ADAMTS12: variants seen among roughly 807,000 people sequenced by gnomAD.
The protein encoded by ADAMTS12 is ADAM metallopeptidase with thrombospondin type 1 motif 12, also known as A disintegrin and metalloproteinase with thrombospondin motifs 12.
Under a neutral mutation model 167.8 loss-of-function variants are expected in ADAMTS12, and 118 were observed. The observed-to-expected ratio is 0.70, with a 90% CI of 0.61 to 0.82. ADAMTS12 has a LOEUF of 0.82. Ranked by LOEUF, ADAMTS12 falls within the 40% of genes least tolerant of loss-of-function variation. ADAMTS12 has a pLI of 0.00. For synonymous variants in ADAMTS12, 704 were observed against 716.9 expected (o/e 0.98, Z 0.29); for missense variants, 1,916 against 1,998.8 (o/e 0.96, Z 0.79).
intron 18 of ADAMTS12, among the ~76,000 whole-genome samples, chr5:33,584,310 T>A (rs765330297): frequency 1.3e-5 from 2 of 152,192 alleles, no homozygotes; most frequent in Non-Finnish European, 2.9e-5. Flanking sequence ...TAATTAAATA[T>A]TGATTTCTGA....
intron 2 of ADAMTS12, among the ~76,000 whole-genome samples, chr5:33,792,383 C>CAT (rs1746610623): frequency 1.3e-5 from 2 of 152,178 alleles, no homozygotes; most frequent in African/African-American, 4.8e-5. Flanking sequence ...GTGCATGTCA[C>CAT]GTAACTGGCT....
intron 13 of ADAMTS12, among the ~76,000 whole-genome samples, chr5:33,625,702 A>G (rs1739555224): frequency 6.6e-6 from 1 of 152,140 alleles, no homozygotes; most frequent in Non-Finnish European, 1.5e-5. Context: ...ACTGAGAGAC[A>G]AGGGTTGGGG....
intron 5 of ADAMTS12, among the ~76,000 whole-genome samples, chr5:33,663,339 C>T (rs1053346224): frequency 6.6e-6 from 1 of 152,024 alleles, no homozygotes; most frequent in Non-Finnish European, 1.5e-5. Context: ...ATTAACAGCC[C>T]TCCCTAGATG....
rs1289955602 is a variant in ADAMTS12 at position 33,737,880 on chromosome 5, C to A, written c.634+13524G>T. ...GAGCCTGTAGCTGTCACTCACCCAC[C>A]CTACCTTTGCGCAACATTTTCATTA... On this transcript the variant is annotated intron_variant, in intron 3 of 23. Coordinates refer to ENST00000504830, the MANE Select transcript of ADAMTS12 (RefSeq NM_030955.4). Among the ~76,000 whole-genome samples the A allele has an allele frequency of 2.0e-5, 3 of 152,194 alleles. No homozygotes were observed. In the East Asian group the frequency reaches 5.8e-4, roughly 29 times the overall value.
At chr5:33,697,857 A>T (rs1742842407) in intron 3 of ADAMTS12, among the ~76,000 whole-genome samples, 1 of 152,274 alleles carries the variant, frequency 6.6e-6, no homozygotes, top group Non-Finnish European at 1.5e-5. Flanking sequence ...AAAGGTTCTC[A>T]TGCCCCTTTG....
intron 22 of ADAMTS12, among the ~76,000 whole-genome samples, chr5:33,537,692 C>T (rs556745307): frequency 2.9e-4 from 44 of 152,314 alleles, no homozygotes; most frequent in African/African-American, 9.6e-4. Flanking sequence ...TAAGTGAATT[C>T]GGTGTTGAGT....
At chr5:33,618,393 G>C (rs1467421372) in intron 14 of ADAMTS12, among the ~76,000 whole-genome samples, 1 of 152,168 alleles carries the variant, frequency 6.6e-6, no homozygotes, top group African/African-American at 2.4e-5. Flanking sequence ...ATTTCTGTCT[G>C]ACATTTTGCT....
intron 2 of ADAMTS12, among the ~76,000 whole-genome samples, chr5:33,846,932 T>C (rs941636343): frequency 2.6e-5 from 4 of 152,342 alleles, no homozygotes; most frequent in African/African-American, 9.6e-5. Context: ...GCTTCTTTCT[T>C]CTGATGTACT....
At chr5:33,760,552 G>A (rs1251032687) in intron 2 of ADAMTS12, among the ~76,000 whole-genome samples, 2 of 152,160 alleles carry the variant, frequency 1.3e-5, no homozygotes, top group Admixed American at 1.3e-4. Flanking sequence ...GAAAAAGCTG[G>A]CCTGACATAC....
At chr5:33,653,895 A>G (rs1740951136) in intron 7 of ADAMTS12, among the ~76,000 whole-genome samples, 1 of 152,120 alleles carries the variant, frequency 6.6e-6, no homozygotes, top group Admixed American at 6.6e-5. Context: ...CACTTTTTCA[A>G]TGCCATTGTC....
chr5:33,626,247 T>TG (rs142764511), intron 13 of ADAMTS12, among the ~76,000 whole-genome samples: 6,929 of 147,028 alleles, frequency 0.047, 218 homozygotes, highest in South Asian at 0.11. Flanking sequence ...ACAATAATGG[T>TG]GGGGGGCAGG....
chr5:33,534,493 G>T (rs1212177799), intron 23 of ADAMTS12, among the ~76,000 whole-genome samples: 1 of 152,140 alleles, frequency 6.6e-6, no homozygotes, highest in Non-Finnish European at 1.5e-5. Flanking sequence ...TCCTAAGAAA[G>T]GCTGGGATAT....
chr5:33,831,328 T>C (rs1193911473), intron 2 of ADAMTS12, among the ~76,000 whole-genome samples: 1 of 152,208 alleles, frequency 6.6e-6, no homozygotes, highest in East Asian at 1.9e-4. Context: ...ATGACAGAAC[T>C]AGAATTCCAG....
At chr5:33,822,419 G>C (rs1382820451) in intron 2 of ADAMTS12, among the ~76,000 whole-genome samples, 1 of 151,904 alleles carries the variant, frequency 6.6e-6, no homozygotes, top group African/African-American at 2.4e-5. Flanking sequence ...CTTTTTATTG[G>C]GCCTCAGTTT....
Position 33,524,671 on chromosome 5 carries a change from A to G in ADAMTS12, c.*2517T>C, listed in dbSNP as rs140666180. The G allele has an allele frequency of 3.3e-5, 5 of 152,306 alleles. No homozygotes were observed. Among genetic ancestry groups the G allele is most frequent in the African/African-American group, 1.2e-4 (5 of 41,554 alleles). 9.4% of individuals were successfully genotyped at this position (152,306 alleles called of 1,614,324 possible). On this transcript the variant is annotated 3_prime_UTR_variant, in exon 24 of 24. Coordinates refer to ENST00000504830, the MANE Select transcript of ADAMTS12 (RefSeq NM_030955.4). ...CATGTCAAAATACTGACGACTCATC[A>G]CTGAGTGATCGCCAAGGCAACAGAT... is the stretch of plus-strand genomic sequence containing the variant.
At chr5:33,653,507 G>T (rs1053296875) in intron 7 of ADAMTS12, among the ~76,000 whole-genome samples, 1 of 151,982 alleles carries the variant, frequency 6.6e-6, no homozygotes, top group African/African-American at 2.4e-5. Flanking sequence ...TGAAATTAGT[G>T]CCAGGGTAAT....
At chr5:33,635,036 T>C (rs1043657395) in intron 12 of ADAMTS12, among the ~76,000 whole-genome samples, 8 of 152,120 alleles carry the variant, frequency 5.3e-5, no homozygotes, top group Admixed American at 4.6e-4. Flanking sequence ...TGTATTGATG[T>C]ATTATATTAG....
chr5:33,700,193 C>T (rs1457633211), intron 3 of ADAMTS12, among the ~76,000 whole-genome samples: 1 of 152,232 alleles, frequency 6.6e-6, no homozygotes, highest in Non-Finnish European at 1.5e-5. Context: ...AATAATTTTA[C>T]TCTTGGGCAT....
intron 3 of ADAMTS12, among the ~76,000 whole-genome samples, chr5:33,721,725 T>C (rs1353140706): frequency 6.6e-6 from 1 of 152,244 alleles, no homozygotes. Context: ...GTTGGATTTA[T>C]CTCAGCTTTC....
Sources: gnomAD v4.1 joint callset for allele counts (sites outside exome capture counted in the v4.1 genomes callset) on GRCh38, gnomAD v4.1.1 for gene constraint, MANE v1.5 for transcripts, NCBI Gene and HGNC (gene_info 2026-07-23, HGNC 2026-07-21) for gene names.